LRBA: variants seen among roughly 807,000 people sequenced by gnomAD.
LRBA encodes the protein LPS responsive beige-like anchor protein.
A neutral mutation model predicts 330.0 loss-of-function variants in LRBA; 176 were observed. That is an observed-to-expected ratio of 0.53 (90% CI 0.47 to 0.60). LRBA has a LOEUF of 0.60. Ranked by LOEUF, LRBA falls within the 20% of genes least tolerant of loss-of-function variation. LRBA has a pLI of 0.00. For missense variants in LRBA, 3,259 were observed against 3,444.8 expected, an observed-to-expected ratio of 0.95 and a Z score of 1.35; for synonymous variants, 1,230 against 1,193.0, an observed-to-expected ratio of 1.03 and a Z score of -0.64.
chr4:150,718,320 C>CA (rs1728500324), intron 36 of LRBA, among the ~76,000 whole-genome samples: 1 of 152,138 alleles, frequency 6.6e-6, no homozygotes, highest in Non-Finnish European at 1.5e-5. Context: ...ACTTTACACA[C>CA]AAATCGTACA....
At chr4:150,949,394 T>C (rs759085830) in intron 2 of LRBA, among the ~76,000 whole-genome samples, 8 of 152,034 alleles carry the variant, frequency 5.3e-5, no homozygotes, top group African/African-American at 7.2e-5. Context: ...TGAGAACAGA[T>C]TGGTGGTTGC....
At chr4:150,952,976 G>A (rs146774955) in intron 2 of LRBA, among the ~76,000 whole-genome samples, 3,162 of 151,528 alleles carry the variant, frequency 0.021, 51 homozygotes, top group Non-Finnish European at 0.035. Flanking sequence ...CAAGCCCTTC[G>A]CCCATCTTGT....
At chr4:150,314,563 T>C (rs568871712) in intron 51 of LRBA, among the ~76,000 whole-genome samples, 1 of 152,178 alleles carries the variant, frequency 6.6e-6, no homozygotes, top group Non-Finnish European at 1.5e-5. Context: ...TAAATCTGCT[T>C]CATTCATATG....
At chr4:150,806,466 G>A in intron 32 of LRBA, 62 bp from the exon 33 acceptor site, 1 of 1,111,188 alleles carries the variant, frequency 9.0e-7, no homozygotes, top group Non-Finnish European at 1.2e-6. Context: ...TTCTAGTTTT[G>A]AAAATAAAGA....
At chr4:150,941,872 C>T (rs534812780) in intron 2 of LRBA, among the ~76,000 whole-genome samples, 63 of 147,692 alleles carry the variant, frequency 4.3e-4, no homozygotes, top group Non-Finnish European at 8.3e-4. Flanking sequence ...GGGCAAGACT[C>T]TGTCTCAAAA....
intron 44 of LRBA, among the ~76,000 whole-genome samples, chr4:150,452,143 T>C (rs1753420610): frequency 6.6e-6 from 1 of 152,138 alleles, no homozygotes; most frequent in South Asian, 2.1e-4. Flanking sequence ...TGGGAACATA[T>C]ATGCAAAAAG....
chr4:150,339,619 T>C (rs996612706), intron 48 of LRBA, among the ~76,000 whole-genome samples: 2 of 152,144 alleles, frequency 1.3e-5, no homozygotes, highest in South Asian at 4.1e-4. Context: ...ATAATGACCA[T>C]GAACATTTTG....
chr4:150,711,391 A>G (rs1359654393), intron 36 of LRBA, among the ~76,000 whole-genome samples: 1 of 152,010 alleles, frequency 6.6e-6, no homozygotes, highest in South Asian at 2.1e-4. Context: ...GTGCACCACC[A>G]CACCCAGCTA....
chr4:150,480,496 T>A (rs1213170066), intron 42 of LRBA, among the ~76,000 whole-genome samples: 1 of 151,990 alleles, frequency 6.6e-6, no homozygotes, highest in Non-Finnish European at 1.5e-5. Context: ...ATCATTTTTA[T>A]CAAAACGATG....
chr4:150,444,036 T>A (rs1324967911), intron 44 of LRBA, among the ~76,000 whole-genome samples: 1 of 151,506 alleles, frequency 6.6e-6, no homozygotes, highest in Admixed American at 6.6e-5. Flanking sequence ...CTATTAAAGT[T>A]TTTATCCCTA....
At chr4:150,770,735 T>G (rs1454069396) in intron 34 of LRBA, among the ~76,000 whole-genome samples, 3 of 152,156 alleles carry the variant, frequency 2.0e-5, no homozygotes, top group African/African-American at 7.2e-5. Context: ...GTATTCCCTT[T>G]GTCTTCAGCA....
intron 40 of LRBA, among the ~76,000 whole-genome samples, chr4:150,568,297 T>C (rs771621991): frequency 7.9e-5 from 12 of 152,146 alleles, no homozygotes; most frequent in Non-Finnish European, 1.6e-4. Flanking sequence ...CAAAGTTGAA[T>C]AGGTAGGACT....
intron 37 of LRBA, among the ~76,000 whole-genome samples, chr4:150,674,400 A>G (rs942957745): frequency 4.6e-5 from 7 of 152,058 alleles, no homozygotes; most frequent in Non-Finnish European, 7.4e-5. Flanking sequence ...AAGTCTAAAA[A>G]AAAAAAAGCT....
intron 56 of LRBA, among the ~76,000 whole-genome samples, chr4:150,276,967 A>G (rs111537762): frequency 3.5e-3 from 537 of 152,364 alleles, no homozygotes; most frequent in African/African-American, 0.012. Context: ...ATAAAGACAC[A>G]TGCACATCTA....
chr4:150,282,570 T>TG lies in LRBA; in HGVS notation c.8195dup (p.Leu2734ThrfsTer15). 1 of 1,614,080 alleles carries TG rather than the reference T, an allele frequency of 6.2e-7. No individual in the cohort carries two copies. The highest frequency in any genetic ancestry group is 8.5e-7 in the Non-Finnish European group (1 of 1,179,914). ...CCTCTCTTGAAGCCTGAATGAGTTT[T>TG]GGTTTCAGGCAGTTTTCAGGACCCT... On this transcript the variant is annotated frameshift_variant, in exon 55 of 57. Coordinates refer to ENST00000651943, the MANE Select transcript of LRBA (RefSeq NM_001364905.1). LOFTEE classifies it high-confidence loss of function.
chr4:150,511,070 C>A (rs1180027945), intron 40 of LRBA, among the ~76,000 whole-genome samples: 1 of 152,074 alleles, frequency 6.6e-6, no homozygotes, highest in Non-Finnish European at 1.5e-5. Context: ...GTTGGCTAGG[C>A]TGGTCTCAAA....
At chr4:150,445,371 CTCTCTCTATATATATATA>C (rs1216945839) in intron 44 of LRBA, among the ~76,000 whole-genome samples, 3 of 84,386 alleles carry the variant, frequency 3.6e-5, no homozygotes, top group Non-Finnish European at 7.3e-5. Flanking sequence ...CTCTCTCTCT[CTCTCTCTATATATATATA>C]TATATATATA....
chr4:150,673,179 A>G (rs1193147150), intron 37 of LRBA, among the ~76,000 whole-genome samples: 2 of 152,228 alleles, frequency 1.3e-5, no homozygotes, highest in African/African-American at 2.4e-5. Context: ...GAAAATCTCT[A>G]TATATCACTG....
At chr4:150,512,513 A>C (rs1761931809) in intron 40 of LRBA, among the ~76,000 whole-genome samples, 1 of 152,110 alleles carries the variant, frequency 6.6e-6, no homozygotes, top group Admixed American at 6.5e-5. Context: ...GAGACTCCAG[A>C]AAGCTCTCTA....
Sources: allele counts gnomAD v4.1 joint callset (sites outside exome capture counted in the v4.1 genomes callset), GRCh38; gene constraint gnomAD v4.1.1; transcripts MANE v1.5; gene names NCBI Gene and HGNC (gene_info 2026-07-23, HGNC 2026-07-21).